The following TTLL8 variants were observed in gnomAD, a reference collection of about 807,000 sequenced individuals.
TTLL8 encodes the protein tubulin tyrosine ligase like 8, also known as protein monoglycylase TTLL8.
A neutral mutation model predicts 77.8 loss-of-function variants in TTLL8; 65 were observed. The observed-to-expected ratio is 0.84, with a 90% CI of 0.68 to 1.03. The LOEUF is 1.03. TTLL8 is among the 50% of genes least tolerant of loss of function. The pLI is 0.00. For missense variants in TTLL8, 910 were observed against 1,004.5 expected (o/e 0.91, Z 1.27); for synonymous variants, 402 against 422.8 (o/e 0.95, Z 0.60).
chr22:50,054,981 AC>A, upstream of TTLL8, among the ~76,000 whole-genome samples: 1 of 152,002 alleles, frequency 6.6e-6, no homozygotes, highest in Non-Finnish European at 1.5e-5. Flanking sequence ...AATTGCTTGA[AC>A]CCGGGAGGCA....
At chr22:50,045,794 G>C in intron 5 of TTLL8, 62 bp downstream of exon 7, 1 of 1,284,002 alleles carries the variant, frequency 7.8e-7, no homozygotes, top group East Asian at 5.5e-5. Flanking sequence ...CAGCACCAGG[G>C]GGATCTTTCT....
chr22:50,050,853 C>T (rs897315269), intron 1 of TTLL8, among the ~76,000 whole-genome samples: 3 of 152,318 alleles, frequency 2.0e-5, no homozygotes, highest in Admixed American at 6.5e-5. Context: ...TTCACGTGGA[C>T]CCCTTAAAGT....
In TTLL8 at chr22:50,044,052, C is replaced by T. The variant is rs575805260; in HGVS notation, c.643+1203G>A. Among the ~76,000 whole-genome samples the T allele has an allele frequency of 1.3e-5, 2 of 152,260 alleles. No individual in the cohort carries two copies. The highest frequency in any genetic ancestry group is 2.1e-4 in the South Asian group (1 of 4,820). ...TTAAAATCATTAATTAGGCCAGGTA[C>T]GGTGGATCAAGCCTGTAATCCCAGC... On this transcript the variant is annotated intron_variant, in intron 6 of 13. Coordinates refer to ENST00000266182, the Ensembl canonical transcript of TTLL8. This position sits in a 1 kb window ranked among gnomAD's most constrained non-coding sequence, Gnocchi z 4.2.
At chr22:50,054,748 AG>A (rs1241374967), upstream of TTLL8, 1 of 174,914 alleles carries the variant, frequency 5.7e-6, no homozygotes, top group African/African-American at 2.4e-5. Context: ...TTCTTTCTAA[AG>A]TACGGCTAAA....
At chr22:50,021,886 A>T (rs897941417) in intron 12 of TTLL8, among the ~76,000 whole-genome samples, 2 of 102,994 alleles carry the variant, frequency 1.9e-5, no homozygotes, top group East Asian at 3.1e-4. Flanking sequence ...GCACTTCTCC[A>T]TCTGACGTGC....
At position 50,032,453 on chromosome 22, in the gene TTLL8, G is replaced by A. The variant is rs182471061; in HGVS notation, c.1284-344C>T. On this transcript the variant is annotated intron_variant, in intron 10 of 13. Coordinates refer to ENST00000266182, the Ensembl canonical transcript of TTLL8. ...CTCCAGGCCCACTTGACCAGAGGCAGTGAGCAGGTGAGGGTCGTAGCCCCT... is the reference window on the plus strand; with the variant it reads ...CTCCAGGCCCACTTGACCAGAGGCAATGAGCAGGTGAGGGTCGTAGCCCCT... 2.6e-5 allele frequency among the ~76,000 whole-genome samples: 4 copies of A among 152,358 alleles called. No homozygotes were observed. In the East Asian group the frequency reaches 7.7e-4, roughly 29 times the overall value.
chr22:50,031,688 G>T (rs1213496948), exon 11 of TTLL8: 61 of 1,286,310 alleles, frequency 4.7e-5, no homozygotes, highest in Non-Finnish European at 6.2e-5. Flanking sequence ...TGGCTCACCT[G>T]CCTCCACAGG....
chr22:50,040,222 G>T (rs545348157), intron 8 of TTLL8, among the ~76,000 whole-genome samples: 1 of 150,748 alleles, frequency 6.6e-6, no homozygotes, highest in East Asian at 2.0e-4. Flanking sequence ...AGCATGGATG[G>T]ACCTCACTTG....
At chr22:50,035,564 A>C (rs780302504) in intron 8 of TTLL8, among the ~76,000 whole-genome samples, 24 of 152,278 alleles carry the variant, frequency 1.6e-4, no homozygotes, top group Admixed American at 4.6e-4. Context: ...GTGAGCGCCG[A>C]GCACTCCTGA....
At chr22:50,037,895 C>A (rs757724116) in intron 8 of TTLL8, among the ~76,000 whole-genome samples, 2 of 152,026 alleles carry the variant, frequency 1.3e-5, no homozygotes, top group South Asian at 4.2e-4. Flanking sequence ...CTCCTGCCCC[C>A]CAACAAAAAA....
At chr22:50,024,435 C>T (rs553632542) in intron 12 of TTLL8, among the ~76,000 whole-genome samples, 4 of 152,070 alleles carry the variant, frequency 2.6e-5, no homozygotes, top group Non-Finnish European at 2.9e-5. Context: ...TTGAAAACTT[C>T]GAAGACAGTG....
In TTLL8 at chr22:50,041,346, C is replaced by T; in HGVS notation, c.831-69G>A. Reference sequence around the variant, plus strand: ...GGACAGGCAACAGAGGGCCTGGGCACCCCGACACCCATAAGGCACCCCAAG... The same window carrying T: ...GGACAGGCAACAGAGGGCCTGGGCATCCCGACACCCATAAGGCACCCCAAG... On this transcript the variant is annotated intron_variant, in intron 7 of 13. Transcript: ENST00000266182. The surrounding 1 kb of genome is among the most constrained non-coding windows in gnomAD (Gnocchi z 4.3). 2 of 575,480 alleles carry T rather than the reference C, an allele frequency of 3.5e-6. No homozygotes were observed. The highest frequency in any genetic ancestry group is 1.5e-5 in the South Asian group (1 of 65,318). The allele number at this position is 575,480 out of a possible 1,614,324, so 35.6% of individuals were successfully genotyped here.
intron 12 of TTLL8, among the ~76,000 whole-genome samples, chr22:50,028,602 C>G (rs867603318): frequency 6.9e-6 from 1 of 145,784 alleles, no homozygotes; most frequent in Non-Finnish European, 1.5e-5. Context: ...CGTAAAGACC[C>G]CCATCACACC....
exon 6 of TTLL8, chr22:50,045,284 G>A: frequency 1.5e-6 from 2 of 1,360,262 alleles, no homozygotes; most frequent in Non-Finnish European, 2.0e-6. Context: ...GCTGCTCCCG[G>A]CCTCCTCCCT....
At chr22:50,045,412 C>T (rs1209387735) in intron 5 of TTLL8, 23 bp from the exon 8 acceptor site, 1 of 1,362,900 alleles carries the variant, frequency 7.3e-7, no homozygotes, top group Non-Finnish European at 9.8e-7. Context: ...CACAGCCTCG[C>T]CCTATCTGTC....
At position 50,042,318 on chromosome 22, in the gene TTLL8, T is replaced by C. The variant is rs563623865; in HGVS notation, c.644-511A>G. 2.6e-5 allele frequency among the ~76,000 whole-genome samples: 4 copies of C among 152,340 alleles called. No individual in the cohort carries two copies. The South Asian group carries it at 8.3e-4, about 32-fold the overall frequency. On this transcript the variant is annotated intron_variant, in intron 6 of 13. Transcript: ENST00000266182. Reference sequence around the variant, plus strand: ...CAATAAGAAAACATAATTTTATTTTTTATTTTTATTGTTTTAAGACAGAGT... The same window carrying C: ...CAATAAGAAAACATAATTTTATTTTCTATTTTTATTGTTTTAAGACAGAGT...
chr22:50,026,526 C>T (rs948288736), intron 12 of TTLL8, among the ~76,000 whole-genome samples: 1 of 152,228 alleles, frequency 6.6e-6, no homozygotes, highest in African/African-American at 2.4e-5. Context: ...GCCGCCACCT[C>T]AGAGCGGAGG....
chr22:50,043,272 T>C (rs1253032830), intron 6 of TTLL8, among the ~76,000 whole-genome samples: 3 of 151,420 alleles, frequency 2.0e-5, no homozygotes, highest in Non-Finnish European at 4.4e-5. Context: ...GAGACGTCCT[T>C]CGGTAGATGG....
intron 6 of TTLL8, 69 bp downstream of exon 8, chr22:50,045,179 CCCAGGAG>C (rs2061400826): frequency 7.8e-7 from 1 of 1,279,158 alleles, no homozygotes; most frequent in African/African-American, 1.5e-5. Context: ...ACTGACCACA[CCCAGGAG>C]GCGGGAGGGC....
Sources: gnomAD v4.1 joint callset for allele counts (sites outside exome capture counted in the v4.1 genomes callset) on GRCh38, gnomAD v4.1.1 for gene constraint, Gnocchi (gnomAD v3.1) non-coding constraint, MANE v1.5 for transcripts, NCBI Gene and HGNC (gene_info 2026-07-23, HGNC 2026-07-21) for gene names.